The following RIMS2 variants were observed in gnomAD, a reference collection of about 807,000 sequenced individuals.
RIMS2 encodes the protein regulating synaptic membrane exocytosis 2, also known as regulating synaptic membrane exocytosis protein 2.
Under a neutral mutation model 174.4 loss-of-function variants are expected in RIMS2, and 59 were observed. The observed-to-expected ratio is 0.34, with a 90% CI of 0.27 to 0.42. The LOEUF (loss-of-function observed/expected upper bound fraction) is 0.42. Ranked by LOEUF, RIMS2 falls within the 10% of genes least tolerant of loss-of-function variation. RIMS2 has a pLI of 1.00. For synonymous variants in RIMS2, 606 were observed against 572.5 expected (o/e 1.06, Z -0.84); for missense variants, 1,620 against 1,666.3 (o/e 0.97, Z 0.48).
At chr8:103,670,249 T>C (rs1235909643) in intron 1 of RIMS2, among the ~76,000 whole-genome samples, 1 of 152,238 alleles carries the variant, frequency 6.6e-6, no homozygotes, top group African/African-American at 2.4e-5. Context: ...GACCCTAGGC[T>C]GCACGCAGCA....
At chr8:104,117,066 TTGG>T (rs2098289282) in intron 19 of RIMS2, among the ~76,000 whole-genome samples, 1 of 151,878 alleles carries the variant, frequency 6.6e-6, no homozygotes, top group African/African-American at 2.4e-5. Flanking sequence ...TTCATCACAC[TTGG>T]TGGGCCCAGT....
intron 19 of RIMS2, among the ~76,000 whole-genome samples, chr8:104,042,258 G>A (rs185254953): frequency 1.3e-5 from 2 of 151,492 alleles, no homozygotes; most frequent in South Asian, 4.1e-4. Flanking sequence ...TTTGTAGAGA[G>A]CATTTCAGGC....
At chr8:103,721,466 A>C (rs1350337304) in intron 2 of RIMS2, among the ~76,000 whole-genome samples, 1 of 152,232 alleles carries the variant, frequency 6.6e-6, no homozygotes, top group Non-Finnish European at 1.5e-5. Context: ...TGAAAATATT[A>C]ATAAAGAGCA....
chr8:103,504,507 A>C (rs1347602), intron 1 of RIMS2, among the ~76,000 whole-genome samples: 4,713 of 152,250 alleles, frequency 0.031, 219 homozygotes, highest in African/African-American at 0.1. Context: ...TCAATAGAAA[A>C]GTATTCAGTA....
intron 3 of RIMS2, among the ~76,000 whole-genome samples, chr8:103,879,813 A>C (rs568641191): frequency 1.4e-3 from 214 of 151,806 alleles, no homozygotes; most frequent in Middle Eastern, 3.4e-3. Context: ...AAACATTTAA[A>C]TATAACTTTC....
intron 2 of RIMS2, among the ~76,000 whole-genome samples, chr8:103,710,627 C>T (rs1040248150): frequency 6.6e-6 from 1 of 152,016 alleles, no homozygotes; most frequent in Admixed American, 6.6e-5. Flanking sequence ...GCAACTTTAA[C>T]TTTTTGTTTC....
chr8:103,735,428 C>T (rs978555035), intron 2 of RIMS2, among the ~76,000 whole-genome samples: 4 of 151,966 alleles, frequency 2.6e-5, no homozygotes, highest in Middle Eastern at 3.4e-3. Flanking sequence ...TTTATTTACT[C>T]CTTTACATCA....
chr8:103,630,245 A>C (rs1018984667), intron 1 of RIMS2, among the ~76,000 whole-genome samples: 2 of 152,108 alleles, frequency 1.3e-5, no homozygotes, highest in African/African-American at 4.8e-5. Flanking sequence ...ATTTTTTTGA[A>C]TGATAGCAGA....
chr8:103,602,568 T>C (rs1317778456), intron 1 of RIMS2, among the ~76,000 whole-genome samples: 2 of 152,238 alleles, frequency 1.3e-5, no homozygotes, highest in Admixed American at 1.3e-4. Flanking sequence ...TTTGGCTTTC[T>C]GTTCTTGCAT....
Position 103,921,731 on chromosome 8 carries a change from A to C in RIMS2, c.2143A>C (p.Met715Leu), listed in dbSNP as rs529276399. ...TCCTTCTATTTCTGTTACCTCTCCC[A>C]TGAGTCCTGGAATGTTGAGGGATGT... Residue 715 changes from methionine to leucine, a missense_variant, in exon 10 of 24, where the codon ATG (methionine) becomes CTG (leucine). Around this residue, in one of 2 missense-constraint regions of RIMS2, gnomAD observed 1,395 missense variants for 1,360.1 expected, o/e 1.03. Coordinates refer to ENST00000504942, the Ensembl canonical transcript of RIMS2. 1.3e-6 allele frequency: 2 copies of C among 1,579,008 alleles called. No individual in the cohort carries two copies. Among genetic ancestry groups the C allele is most frequent in the Non-Finnish European group, 1.7e-6 (2 of 1,148,472 alleles).
chr8:104,086,961 T>C (rs931734254), intron 19 of RIMS2, among the ~76,000 whole-genome samples: 4 of 152,138 alleles, frequency 2.6e-5, no homozygotes, highest in African/African-American at 9.7e-5. Context: ...ACTTGGTAAC[T>C]TGAAATCAGC....
intron 19 of RIMS2, among the ~76,000 whole-genome samples, chr8:104,100,506 G>A (rs963519224): frequency 6.6e-6 from 1 of 151,856 alleles, no homozygotes; most frequent in African/African-American, 2.4e-5. Context: ...CTACTATGTT[G>A]GGTAGAAGAG....
At chr8:103,848,865 C>T (rs931972909) in intron 3 of RIMS2, among the ~76,000 whole-genome samples, 3 of 152,030 alleles carry the variant, frequency 2.0e-5, no homozygotes, top group African/African-American at 7.2e-5. Flanking sequence ...TGTGACTAGT[C>T]TTCAGCTCTA....
intron 2 of RIMS2, among the ~76,000 whole-genome samples, chr8:103,737,594 AC>A (rs1469916875): frequency 2.6e-5 from 4 of 152,102 alleles, no homozygotes; most frequent in Non-Finnish European, 5.9e-5. Flanking sequence ...TTTCATTCTT[AC>A]ATGCTTACTC....
At chr8:103,563,138 G>A (rs887533907) in intron 1 of RIMS2, among the ~76,000 whole-genome samples, 1 of 152,174 alleles carries the variant, frequency 6.6e-6, no homozygotes, top group African/African-American at 2.4e-5. Flanking sequence ...CATTGTCTTG[G>A]TGATTAACAT....
At chr8:103,718,841 G>C (rs182907080) in intron 2 of RIMS2, among the ~76,000 whole-genome samples, 12 of 152,014 alleles carry the variant, frequency 7.9e-5, no homozygotes, top group Admixed American at 3.3e-4. Context: ...GTACATTTTT[G>C]TGTGTATTTT....
chr8:104,174,915 A>G (rs2098868338), intron 19 of RIMS2, among the ~76,000 whole-genome samples: 1 of 152,172 alleles, frequency 6.6e-6, no homozygotes, highest in African/African-American at 2.4e-5. Context: ...TGGCTAATAC[A>G]TTTCCATTAA....
At chr8:103,712,478 C>T (rs540961897) in intron 2 of RIMS2, among the ~76,000 whole-genome samples, 1 of 152,026 alleles carries the variant, frequency 6.6e-6, no homozygotes, top group Non-Finnish European at 1.5e-5. Flanking sequence ...TCCACTTGTT[C>T]CTAATCTCTT....
intron 17 of RIMS2, among the ~76,000 whole-genome samples, chr8:104,009,498 T>A (rs2095689662): frequency 6.6e-6 from 1 of 152,058 alleles, no homozygotes. Flanking sequence ...GGTTTCACCA[T>A]GTTGCCCAGT....
Sources: allele counts gnomAD v4.1 joint callset (sites outside exome capture counted in the v4.1 genomes callset), GRCh38; gene constraint gnomAD v4.1.1; regional missense constraint gnomAD v4.1.1; transcripts MANE v1.5; gene names NCBI Gene and HGNC (gene_info 2026-07-23, HGNC 2026-07-21).